GSG1L: variants seen among roughly 807,000 people sequenced by gnomAD.
GSG1L encodes GSG1 like.
In GSG1L, 24 loss-of-function variants were observed where a neutral mutation model predicts 42.1. The observed-to-expected ratio is 0.57, with a 90% CI of 0.41 to 0.80. GSG1L has a LOEUF of 0.80. Among genes scored for constraint, GSG1L ranks in the 30% least tolerant of loss-of-function variants. The probability of loss-of-function intolerance (pLI) is 0.00; values close to 1 mark genes in which losing one functional copy is unlikely to be tolerated. For missense variants in GSG1L, 445 were observed against 472.2 expected (o/e 0.94, Z 0.53); for synonymous variants, 215 against 203.5 (o/e 1.06, Z -0.48).
chr16:27,927,572 C>T (rs1261738071), intron 2 of GSG1L, among the ~76,000 whole-genome samples: 3 of 152,116 alleles, frequency 2.0e-5, no homozygotes, highest in Non-Finnish European at 4.4e-5. Flanking sequence ...TCATGCCATT[C>T]TCCTCTGCAC....
At chr16:27,851,023 G>T (rs1194164990) in intron 3 of GSG1L, among the ~76,000 whole-genome samples, 1 of 152,108 alleles carries the variant, frequency 6.6e-6, no homozygotes, top group Admixed American at 6.6e-5. Context: ...ACGTGGAGAG[G>T]GAGAGATGGA....
At chr16:27,812,441 C>T (rs894385101) in intron 5 of GSG1L, among the ~76,000 whole-genome samples, 2 of 152,214 alleles carry the variant, frequency 1.3e-5, no homozygotes, top group Non-Finnish European at 2.9e-5. Context: ...CTCACAACTA[C>T]TCAACTCTGC....
intron 2 of GSG1L, among the ~76,000 whole-genome samples, chr16:27,917,921 C>T (rs2084477333): frequency 6.6e-6 from 1 of 152,066 alleles, no homozygotes; most frequent in African/African-American, 2.4e-5. Flanking sequence ...TGGCCGGAAG[C>T]CAAGCCAGCT....
At chr16:27,833,817 A>T (rs2083295677) in intron 4 of GSG1L, among the ~76,000 whole-genome samples, 1 of 152,138 alleles carries the variant, frequency 6.6e-6, no homozygotes, top group African/African-American at 2.4e-5. Flanking sequence ...AAACTTATTT[A>T]TTAGGTCTAG....
intron 4 of GSG1L, among the ~76,000 whole-genome samples, chr16:27,842,637 GC>G (rs1394655193): frequency 2.0e-5 from 3 of 152,114 alleles, no homozygotes; most frequent in Non-Finnish European, 4.4e-5. Context: ...CAGAACCTCA[GC>G]TGGCTTCCCT....
intron 3 of GSG1L, among the ~76,000 whole-genome samples, chr16:27,874,385 C>G (rs74015120): frequency 6.8e-6 from 1 of 146,086 alleles, no homozygotes; most frequent in Non-Finnish European, 1.5e-5. Flanking sequence ...TTCCATCAAT[C>G]GTGCCTATGT....
intron 2 of GSG1L, among the ~76,000 whole-genome samples, chr16:27,914,712 A>G (rs2084431804): frequency 6.6e-6 from 1 of 152,006 alleles, no homozygotes; most frequent in Non-Finnish European, 1.5e-5. Flanking sequence ...TTTTGAAAGC[A>G]TTTAGCACAA....
chr16:27,869,874 CAT>C (rs2083790885), intron 3 of GSG1L, among the ~76,000 whole-genome samples: 1 of 105,058 alleles, frequency 9.5e-6, no homozygotes, highest in Non-Finnish European at 2.0e-5. Flanking sequence ...TGTCTCCCTC[CAT>C]CTCTCTGTCT....
At chr16:27,976,337 C>G (rs1186551580) in intron 1 of GSG1L, among the ~76,000 whole-genome samples, 4 of 152,150 alleles carry the variant, frequency 2.6e-5, no homozygotes, top group African/African-American at 4.8e-5. Flanking sequence ...ATGTTTTCAG[C>G]AACAAATAGA....
At position 27,788,779 on chromosome 16, in the gene GSG1L, A is replaced by T. The variant is rs2144371867; in HGVS notation, c.*2591T>A. On this transcript the variant is annotated 3_prime_UTR_variant, in exon 7 of 7. Coordinates refer to ENST00000447459, the MANE Select transcript of GSG1L (RefSeq NM_001109763.2). ...CTGTTCTAGACACTTCAAATATGTT[A>T]GCTCATTTAATTTGCACAACAGCTT... 1 of 152,378 alleles carries T rather than the reference A, an allele frequency of 6.6e-6. No homozygotes were observed. The highest frequency in any genetic ancestry group is 1.9e-4 in the East Asian group (1 of 5,192). 9.4% of individuals were successfully genotyped at this position (152,378 alleles called of 1,614,324 possible).
In GSG1L at chr16:28,063,079, G is replaced by A. The variant is rs553921869; in HGVS notation, c.346C>T (p.Leu116Phe). ...WYSCEEELSG[L>F]GEKCRSFIDL... ...GCCGCCGCCCGCGCGCACTCACCAA[G>A]CCCGCTGAGCTCCTCCTCGCACGAG... is the stretch of plus-strand genomic sequence containing the variant. Residue 116 changes from leucine (L) to phenylalanine (F), a missense_variant, in exon 1 of 7, where the codon CTT (leucine) becomes TTT (phenylalanine). This residue lies in a region of GSG1L where 149 missense variants were observed against 223.3 expected (regional missense o/e 0.67). Transcript: ENST00000447459. The surrounding 1 kb of genome is among the most constrained non-coding windows in gnomAD (Gnocchi z 5.8). 4.3e-5 allele frequency: 61 copies of A among 1,426,676 alleles called. 2 individuals are homozygous for A. In the South Asian group the frequency reaches 7.5e-4, roughly 18 times the overall value. 88.4% of individuals were successfully genotyped at this position (1,426,676 alleles called of 1,614,324 possible). A position where few individuals can be genotyped will look rare whatever the true frequency, so the allele number is the denominator to read the frequency against.
intron 1 of GSG1L, among the ~76,000 whole-genome samples, chr16:28,015,059 C>T (rs1461052747): frequency 6.6e-6 from 1 of 152,164 alleles, no homozygotes; most frequent in Non-Finnish European, 1.5e-5. Flanking sequence ...AAATCAATTT[C>T]CAGTTGGTTA....
At chr16:27,819,509 G>A (rs2083129175) in intron 5 of GSG1L, among the ~76,000 whole-genome samples, 3 of 152,182 alleles carry the variant, frequency 2.0e-5, no homozygotes, top group African/African-American at 7.2e-5. Flanking sequence ...GACGCCAGGA[G>A]GGAGAACAGA....
chr16:27,839,203 G>A (rs2083351939), intron 4 of GSG1L, among the ~76,000 whole-genome samples: 1 of 152,172 alleles, frequency 6.6e-6, no homozygotes, highest in East Asian at 1.9e-4. Context: ...CAGGGACAGG[G>A]CCCCAGAAAC....
intron 1 of GSG1L, among the ~76,000 whole-genome samples, chr16:28,005,565 C>T (rs1042841282): frequency 2.0e-5 from 3 of 151,904 alleles, no homozygotes; most frequent in African/African-American, 7.3e-5. Context: ...AACGTTCGCT[C>T]CAAATAAGGT....
intron 3 of GSG1L, among the ~76,000 whole-genome samples, chr16:27,849,203 GAA>G (rs1203275567): frequency 1.3e-5 from 1 of 79,926 alleles, no homozygotes; most frequent in African/African-American, 4.8e-5. Context: ...ATCCCAAAAA[GAA>G]AAAAAAAAAA....
chr16:28,026,427 G>A (rs2085902099), intron 1 of GSG1L, among the ~76,000 whole-genome samples: 1 of 152,188 alleles, frequency 6.6e-6, no homozygotes, highest in Non-Finnish European at 1.5e-5. Flanking sequence ...GCCCAAGGTG[G>A]ACTAGAGCAG....
At chr16:27,909,321 TTC>T (rs1481701723) in intron 2 of GSG1L, among the ~76,000 whole-genome samples, 1 of 152,118 alleles carries the variant, frequency 6.6e-6, no homozygotes, top group African/African-American at 2.4e-5. Flanking sequence ...ATTTTTTCTT[TTC>T]TCTCTTTCTT....
chr16:28,013,367 G>A (rs911079848), intron 1 of GSG1L, among the ~76,000 whole-genome samples: 60 of 146,652 alleles, frequency 4.1e-4, no homozygotes, highest in African/African-American at 1.4e-3. Context: ...GCAGAGGGAG[G>A]TGGGCGTCAG....
Sources: gnomAD v4.1 joint callset for allele counts (sites outside exome capture counted in the v4.1 genomes callset) on GRCh38, gnomAD v4.1.1 for gene constraint, gnomAD v4.1.1 regional missense constraint, Gnocchi (gnomAD v3.1) non-coding constraint, MANE v1.5 for transcripts, NCBI Gene and HGNC (gene_info 2026-07-23, HGNC 2026-07-21) for gene names.